Variants in ASAP2 observed in about 807,000 individuals in gnomAD.
ASAP2 encodes the protein arf-GAP with SH3 domain, ANK repeat and PH domain-containing protein 2.
A neutral mutation model predicts 131.4 loss-of-function variants in ASAP2; 45 were observed. That is an observed-to-expected ratio of 0.34 (90% CI 0.27 to 0.44). The LOEUF is 0.44. Ranked by LOEUF, ASAP2 falls within the 20% of genes least tolerant of loss-of-function variation. ASAP2 has a pLI of 1.00. For missense variants in ASAP2, 1,011 were observed against 1,297.0 expected, an observed-to-expected ratio of 0.78 and a Z score of 3.39; for synonymous variants, 510 against 503.0, an observed-to-expected ratio of 1.01 and a Z score of -0.19.
intron 18 of ASAP2, among the ~76,000 whole-genome samples, chr2:9,378,738 C>T (rs1005309970): frequency 1.3e-5 from 2 of 152,238 alleles, no homozygotes; most frequent in Admixed American, 6.5e-5. Flanking sequence ...CGTGTTATTT[C>T]CCTGATGACC....
At chr2:9,354,953 C>T (rs1672601304) in intron 12 of ASAP2, among the ~76,000 whole-genome samples, 1 of 152,178 alleles carries the variant, frequency 6.6e-6, no homozygotes, top group Non-Finnish European at 1.5e-5. Flanking sequence ...GCTGGATTCC[C>T]CTGCCCCTGC....
intron 15 of ASAP2, among the ~76,000 whole-genome samples, chr2:9,360,912 C>G (rs1346933456): frequency 1.3e-5 from 2 of 152,126 alleles, no homozygotes; most frequent in African/African-American, 4.8e-5. Flanking sequence ...GAGCCCGACC[C>G]CACCATCTGT....
chr2:9,359,866 A>G (rs1344966529), intron 15 of ASAP2, among the ~76,000 whole-genome samples: 1 of 152,200 alleles, frequency 6.6e-6, no homozygotes, highest in Non-Finnish European at 1.5e-5. Context: ...ACTACAGTGG[A>G]TCCTGGCAGC....
chr2:9,209,245 A>G (rs1439085343), intron 1 of ASAP2, among the ~76,000 whole-genome samples: 1 of 152,220 alleles, frequency 6.6e-6, no homozygotes, highest in Non-Finnish European at 1.5e-5. Context: ...CATACATGCT[A>G]TGATGATGGT....
intron 1 of ASAP2, among the ~76,000 whole-genome samples, chr2:9,213,406 G>A (rs1188713491): frequency 6.6e-6 from 1 of 152,198 alleles, no homozygotes; most frequent in Non-Finnish European, 1.5e-5. Context: ...TCCATCTTGG[G>A]GAAGGAATTT....
chr2:9,370,189 C>T (rs1321859643), intron 16 of ASAP2, among the ~76,000 whole-genome samples: 1 of 152,132 alleles, frequency 6.6e-6, no homozygotes, highest in Non-Finnish European at 1.5e-5. Context: ...ACGGAGATTG[C>T]AGGACCTGTA....
At chr2:9,293,093 T>G (rs1490848693) in intron 2 of ASAP2, among the ~76,000 whole-genome samples, 1 of 152,200 alleles carries the variant, frequency 6.6e-6, no homozygotes, top group Non-Finnish European at 1.5e-5. Flanking sequence ...TGATACCAGT[T>G]TTTTTAAATA....
chr2:9,263,704 C>T lies in ASAP2; in HGVS notation c.127-15613C>T, dbSNP rs527859473. Reference sequence around the variant, plus strand: ...AGGCTGCAGCCTCTCGTTGTTCATGCGTCGTTTTTTCATAGTGTGTGTGGG... The same window carrying T: ...AGGCTGCAGCCTCTCGTTGTTCATGTGTCGTTTTTTCATAGTGTGTGTGGG... On this transcript the variant is annotated intron_variant, in intron 1 of 27. Coordinates refer to ENST00000281419, the MANE Select transcript of ASAP2 (RefSeq NM_003887.3). Among the ~76,000 whole-genome samples the T allele has an allele frequency of 5.3e-5, 8 of 152,242 alleles. No homozygotes were observed. In the South Asian group the frequency reaches 1.5e-3, roughly 28 times the overall value.
chr2:9,285,002 A>G (rs909814873), intron 2 of ASAP2, among the ~76,000 whole-genome samples: 14 of 152,218 alleles, frequency 9.2e-5, no homozygotes, highest in African/African-American at 3.4e-4. Context: ...TTACCTGCAC[A>G]ATAACCTCAG....
chr2:9,367,389 G>A (rs1219271429), intron 15 of ASAP2, among the ~76,000 whole-genome samples: 1 of 152,164 alleles, frequency 6.6e-6, no homozygotes, highest in African/African-American at 2.4e-5. Flanking sequence ...CTCCCCAGCA[G>A]AACATGGAAA....
At chr2:9,224,919 G>A (rs992878523) in intron 1 of ASAP2, among the ~76,000 whole-genome samples, 1 of 152,128 alleles carries the variant, frequency 6.6e-6, no homozygotes, top group African/African-American at 2.4e-5. Flanking sequence ...CTGTGGTCCT[G>A]GCTTCTCTTG....
intron 1 of ASAP2, among the ~76,000 whole-genome samples, chr2:9,214,199 AT>A (rs1454521921): frequency 1.3e-5 from 2 of 152,056 alleles, no homozygotes; most frequent in African/African-American, 4.8e-5. Context: ...CTCCAAGTGG[AT>A]TGCTAGGGCC....
chr2:9,241,695 A>G (rs763896680), intron 1 of ASAP2, among the ~76,000 whole-genome samples: 4 of 152,198 alleles, frequency 2.6e-5, no homozygotes, highest in Non-Finnish European at 5.9e-5. Flanking sequence ...CTCACCAAAG[A>G]TATGTACTGT....
intron 23 of ASAP2, among the ~76,000 whole-genome samples, chr2:9,391,903 C>T (rs954182201): frequency 6.6e-6 from 1 of 152,014 alleles, no homozygotes; most frequent in African/African-American, 2.4e-5. Context: ...CTTTTTAAGA[C>T]AGGGTCTCTC....
intron 1 of ASAP2, among the ~76,000 whole-genome samples, chr2:9,269,620 C>T (rs774563271): frequency 6.6e-6 from 1 of 152,192 alleles, no homozygotes; most frequent in African/African-American, 2.4e-5. Flanking sequence ...GGTGGTGGCA[C>T]CGCCCTCAGG....
At chr2:9,291,622 A>G (rs1191001824) in intron 2 of ASAP2, among the ~76,000 whole-genome samples, 5 of 152,138 alleles carry the variant, frequency 3.3e-5, no homozygotes. Context: ...CATAGAGAAC[A>G]TATGTCTCTC....
At chr2:9,351,025 T>C in intron 12 of ASAP2, 130 bp downstream of exon 12, 1 of 640,928 alleles carries the variant, frequency 1.6e-6, no homozygotes, top group Non-Finnish European at 2.5e-6. Context: ...TTTCTAGTGA[T>C]ATGCGTGCTT....
chr2:9,317,919 GCA>G (rs757889105), intron 3 of ASAP2, among the ~76,000 whole-genome samples: 3 of 151,980 alleles, frequency 2.0e-5, no homozygotes, highest in South Asian at 2.1e-4. Flanking sequence ...TTATACTCAA[GCA>G]CAGTCACACC....
At position 9,331,156 on chromosome 2, in the gene ASAP2, C is replaced by T. The variant is rs1189449128; in HGVS notation, c.686+3245C>T. On this transcript the variant is annotated intron_variant, in intron 7 of 27. Coordinates refer to ENST00000281419, the MANE Select transcript of ASAP2 (RefSeq NM_003887.3). The stretch of plus-strand genomic sequence containing the variant: ...GGTGCTGTGCCCTGCTGGGTACACG[C>T]GGGCCTCTGCACACTGCTGTGCTCC... 3.3e-5 allele frequency among the ~76,000 whole-genome samples: 5 copies of T among 152,228 alleles called. No individual in the cohort carries two copies. The South Asian group carries it at 6.2e-4, about 19-fold the overall frequency.
Sources: allele counts gnomAD v4.1 joint callset (sites outside exome capture counted in the v4.1 genomes callset), GRCh38; gene constraint gnomAD v4.1.1; transcripts MANE v1.5; gene names NCBI Gene and HGNC (gene_info 2026-07-23, HGNC 2026-07-21).